Variants in KLF15 observed in about 807,000 individuals in gnomAD.
The protein encoded by KLF15 is KLF transcription factor 15, also known as Krueppel-like factor 15.
A neutral mutation model predicts 24.6 loss-of-function variants in KLF15; 4 were observed. The observed-to-expected ratio is 0.16, with a 90% CI of 0.08 to 0.37. The LOEUF is 0.37. Among genes scored for constraint, KLF15 ranks in the 10% least tolerant of loss-of-function variants. The pLI is 1.00. For synonymous variants in KLF15, 246 were observed against 236.3 expected, an observed-to-expected ratio of 1.04 and a Z score of -0.37; for missense variants, 496 against 560.6, an observed-to-expected ratio of 0.88 and a Z score of 1.16.
Position 126,343,407 on chromosome 3 carries a change from G to A in KLF15, c.*320C>T. The A allele has an allele frequency of 6.2e-6, 2 of 324,430 alleles. No individual in the cohort carries two copies. Among genetic ancestry groups the A allele is most frequent in the Non-Finnish European group, 1.1e-5 (2 of 177,970 alleles). 20.1% of individuals were successfully genotyped at this position (324,430 alleles called of 1,614,324 possible). A position where few individuals can be genotyped will look rare whatever the true frequency, so the allele number is the denominator to read the frequency against. ...GGGAGCCCAGTGGGAGAAGGGCCAG[G>A]TCCCCAAAACTCTGCCTGCAACCAG... is the stretch of plus-strand genomic sequence containing the variant. On this transcript the variant is annotated 3_prime_UTR_variant, in exon 3 of 3. Transcript: ENST00000296233.
chr3:126,318,146 C>T, the KLF15 span, among the ~76,000 whole-genome samples: 2 of 152,114 alleles, frequency 1.3e-5, no homozygotes, highest in East Asian at 1.9e-4. Context: ...TTGGTCCTTT[C>T]CCCCCAACTC....
At chr3:126,344,058 G>T (rs551137990) in intron 2 of KLF15, among the ~76,000 whole-genome samples, 163 bp from the exon 3 acceptor site, 7 of 152,186 alleles carry the variant, frequency 4.6e-5, no homozygotes, top group African/African-American at 1.7e-4. Context: ...CCCCATCTAC[G>T]TCGGTAAGGC....
chr3:126,318,823 C>A, the KLF15 span, among the ~76,000 whole-genome samples: 1 of 152,174 alleles, frequency 6.6e-6, no homozygotes, highest in Non-Finnish European at 1.5e-5. Context: ...ATCATTATCA[C>A]CTGGAGTCCA....
At chr3:126,308,537 A>G in the KLF15 span, among the ~76,000 whole-genome samples, 12 of 152,118 alleles carry the variant, frequency 7.9e-5, no homozygotes, top group Non-Finnish European at 2.9e-5. Context: ...GAAATCCTCA[A>G]GTGCGACCCT....
chr3:126,341,803 T>C (rs2082481422), downstream of KLF15, among the ~76,000 whole-genome samples: 1 of 151,656 alleles, frequency 6.6e-6, no homozygotes, highest in African/African-American at 2.4e-5. Context: ...TTGCATCCAG[T>C]TCTTATAAAG....
At chr3:126,332,271 C>T in the KLF15 span, among the ~76,000 whole-genome samples, 1 of 149,168 alleles carries the variant, frequency 6.7e-6, no homozygotes, top group African/African-American at 2.5e-5. Context: ...CCCCTGACCC[C>T]CGAGCAGCCT....
the KLF15 span, among the ~76,000 whole-genome samples, chr3:126,307,878 C>T: frequency 1.3e-5 from 2 of 152,266 alleles, no homozygotes; most frequent in East Asian, 3.9e-4. Context: ...GGCCAGGCCA[C>T]CCGAACTCCA....
the KLF15 span, among the ~76,000 whole-genome samples, chr3:126,308,793 C>A: frequency 3.9e-5 from 6 of 152,250 alleles, no homozygotes; most frequent in South Asian, 1.0e-3. Context: ...GTTCTCCAAG[C>A]GGAAGGAGGA....
At chr3:126,299,747 C>CAAA in the KLF15 span, among the ~76,000 whole-genome samples, 7 of 55,994 alleles carry the variant, frequency 1.3e-4, no homozygotes, top group African/African-American at 3.9e-4. Context: ...CACTCCATCT[C>CAAA]AAAAAAAAAA....
At chr3:126,331,990 G>A in the KLF15 span, among the ~76,000 whole-genome samples, 1 of 152,206 alleles carries the variant, frequency 6.6e-6, no homozygotes, top group Admixed American at 6.5e-5. Flanking sequence ...AGCGAGGCTG[G>A]GGGAGGGGCG....
the KLF15 span, among the ~76,000 whole-genome samples, chr3:126,300,563 T>G: frequency 6.6e-6 from 1 of 152,254 alleles, no homozygotes; most frequent in Admixed American, 6.5e-5. Context: ...TGTGCGGCTT[T>G]CCGGCTTCCC....
At chr3:126,307,459 A>G in the KLF15 span, among the ~76,000 whole-genome samples, 1 of 152,304 alleles carries the variant, frequency 6.6e-6, no homozygotes, top group East Asian at 1.9e-4. Context: ...AACAAAGGAG[A>G]GAAATGAGCG....
chr3:126,314,531 TC>T, the KLF15 span, among the ~76,000 whole-genome samples: 2 of 152,224 alleles, frequency 1.3e-5, no homozygotes, highest in South Asian at 2.1e-4. Flanking sequence ...GTTCCCAGGT[TC>T]CTCCCATCCA....
downstream of KLF15, among the ~76,000 whole-genome samples, chr3:126,340,477 CCTCT>C (rs767677900): frequency 3.6e-4 from 55 of 152,364 alleles, no homozygotes; most frequent in South Asian, 6.2e-4. Flanking sequence ...CAGGCTGCTC[CCTCT>C]GAGACCATCT....
At chr3:126,316,187 G>A in the KLF15 span, among the ~76,000 whole-genome samples, 20 of 152,226 alleles carry the variant, frequency 1.3e-4, no homozygotes, top group Non-Finnish European at 1.2e-4. Context: ...TATGGAAAGC[G>A]GGGCTGGGAG....
chr3:126,345,804 GC>G (rs1443608068), intron 2 of KLF15, among the ~76,000 whole-genome samples: 1 of 152,236 alleles, frequency 6.6e-6, no homozygotes, highest in Non-Finnish European at 1.5e-5. Flanking sequence ...TGGCAGGAGG[GC>G]CTGCAGGAGG....
At chr3:126,311,092 C>T in the KLF15 span, among the ~76,000 whole-genome samples, 1 of 152,150 alleles carries the variant, frequency 6.6e-6, no homozygotes, top group Non-Finnish European at 1.5e-5. Flanking sequence ...TCCTGAAGGC[C>T]CAACTCTCCC....
At chr3:126,309,060 G>T in the KLF15 span, among the ~76,000 whole-genome samples, 20 of 152,234 alleles carry the variant, frequency 1.3e-4, no homozygotes, top group African/African-American at 4.6e-4. Context: ...GGCATCAAAG[G>T]TGAGACAACG....
chr3:126,328,011 G>C, the KLF15 span, among the ~76,000 whole-genome samples: 1 of 152,132 alleles, frequency 6.6e-6, no homozygotes, highest in African/African-American at 2.4e-5. Flanking sequence ...TGATTTGTGA[G>C]ATTTTGGTGC....
Sources: allele counts gnomAD v4.1 joint callset (sites outside exome capture counted in the v4.1 genomes callset), GRCh38; gene constraint gnomAD v4.1.1; transcripts MANE v1.5; gene names NCBI Gene and HGNC (gene_info 2026-07-23, HGNC 2026-07-21).